The following SERPINA12 variants were observed in gnomAD, a reference collection of about 807,000 sequenced individuals.
SERPINA12 encodes the protein serpin family A member 12.
Under a neutral mutation model 25.9 loss-of-function variants are expected in SERPINA12, and 21 were observed. The observed-to-expected ratio is 0.81, with a 90% confidence interval of 0.58 to 1.17. The LOEUF (loss-of-function observed/expected upper bound fraction) is 1.17. Ranked by LOEUF, SERPINA12 falls within the 50% of genes most tolerant of loss-of-function variation. The probability of loss-of-function intolerance (pLI) is 0.00; values close to 1 mark genes in which losing one functional copy is unlikely to be tolerated. For synonymous variants in SERPINA12, 220 were observed against 196.0 expected, an observed-to-expected ratio of 1.12 and a Z score of -1.02; for missense variants, 562 against 508.3, an observed-to-expected ratio of 1.11 and a Z score of -1.02.
At chr14:94,501,745 C>T (rs1481419901) in intron 1 of SERPINA12, among the ~76,000 whole-genome samples, 1 of 149,268 alleles carries the variant, frequency 6.7e-6, no homozygotes, top group African/African-American at 2.5e-5. Context: ...CTCAGCATGC[C>T]TGTGTCACAG....
At chr14:94,511,070 C>CA (rs1226408080), upstream of SERPINA12, among the ~76,000 whole-genome samples, 1 of 152,100 alleles carries the variant, frequency 6.6e-6, no homozygotes, top group Non-Finnish European at 1.5e-5. Flanking sequence ...CAAAAACCAC[C>CA]TGTACCCCAA....
rs144406102 is a variant in SERPINA12, at chr14:94,515,175, C to T, written c.-18+645G>A. 3.4e-3 allele frequency among the ~76,000 whole-genome samples: 525 copies of T among 152,208 alleles called. 3 individuals are homozygous for T. Among genetic ancestry groups the T allele is most frequent in the African/African-American group, 0.012 (491 of 41,514 alleles). ...ATGCCTGGGGGATCCTGAAACTATG[C>T]GACGTGTTTCTGTGGGAGAGGCTGA... is the stretch of plus-strand genomic sequence containing the variant. On this transcript the variant is annotated intron_variant, in intron 2 of 5. Coordinates refer to the SERPINA12 transcript ENST00000341228.
intron 1 of SERPINA12, among the ~76,000 whole-genome samples, chr14:94,502,621 C>T (rs7159117): frequency 0.4 from 60,145 of 152,126 alleles, 13,019 homozygotes; most frequent in African/African-American, 0.58. Context: ...CCCCCTGCCC[C>T]CAGGCAGGTC....
intron 1 of SERPINA12, chr14:94,503,094 GT>G: frequency 2.9e-6 from 2 of 691,776 alleles, no homozygotes; most frequent in Non-Finnish European, 3.6e-6. Context: ...GGCCTGCTCT[GT>G]GGCTCACCTG....
At chr14:94,498,462 C>A (rs1900569809) in intron 1 of SERPINA12, 32 bp from the exon 2 acceptor site, 4 of 1,522,426 alleles carry the variant, frequency 2.6e-6, no homozygotes, top group South Asian at 2.5e-5. Flanking sequence ...AACATGATAA[C>A]CCCATTGCCT....
chr14:94,491,486 T>C (rs750278882), intron 3 of SERPINA12, among the ~76,000 whole-genome samples: 9 of 152,110 alleles, frequency 5.9e-5, no homozygotes, highest in Admixed American at 2.0e-4. Flanking sequence ...GTTAAGAATA[T>C]ACTCTTGGTG....
chr14:94,513,915 G>A (rs75995606), upstream of SERPINA12, among the ~76,000 whole-genome samples: 3,907 of 152,236 alleles, frequency 0.026, 78 homozygotes, highest in Middle Eastern at 0.058. Context: ...TGGATGAACA[G>A]CCTGGAGGTT....
Position 94,502,819 on chromosome 14 carries a change from C to T in SERPINA12, c.-33-4389G>A, listed in dbSNP as rs557663870. 1.1e-3 allele frequency among the ~76,000 whole-genome samples: 165 copies of T among 152,358 alleles called. 1 individual carries two copies. The highest frequency in any genetic ancestry group is 3.7e-3 in the African/African-American group (154 of 41,578). Reference sequence around the variant, plus strand: ...GGCAACCAGTGTGTTGCCTCCTCATCGGGGAGATGCTTCCTACACTTGGCT... The same window carrying T: ...GGCAACCAGTGTGTTGCCTCCTCATTGGGGAGATGCTTCCTACACTTGGCT... On this transcript the variant is annotated intron_variant, in intron 1 of 4. Transcript: ENST00000677451.
At chr14:94,496,331 CAA>C (rs1487479505) in intron 3 of SERPINA12, 40 bp downstream of exon 3, 2 of 1,608,918 alleles carry the variant, frequency 1.2e-6, no homozygotes, top group Non-Finnish European at 1.7e-6. Flanking sequence ...AGAGGGAAGA[CAA>C]GAGAAGGAAA....
At chr14:94,501,924 A>G (rs1900745210) in intron 1 of SERPINA12, among the ~76,000 whole-genome samples, 1 of 152,028 alleles carries the variant, frequency 6.6e-6, no homozygotes. Context: ...CTAATTTTTT[A>G]ATTCCATCAA....
chr14:94,491,314 A>T (rs973557608), intron 3 of SERPINA12, among the ~76,000 whole-genome samples: 49 of 152,366 alleles, frequency 3.2e-4, no homozygotes, highest in Admixed American at 3.0e-3. Flanking sequence ...ACTTGCAGGA[A>T]TCGAGGATTG....
rs10626991 is a variant in SERPINA12, at chr14:94,502,024, ATGTG to A, written c.-33-3598_-33-3595del. The stretch of plus-strand genomic sequence containing the variant: ...ATTGTTTGTTGGCTTTTAGTTTGGA[ATGTG>A]TGTGTGTGTGTGTGTGTGTGTGTGT... On this transcript the variant is annotated intron_variant, in intron 1 of 4. Coordinates refer to ENST00000677451, the MANE Select transcript of SERPINA12 (RefSeq NM_001382267.1). 5.8e-3 allele frequency among the ~76,000 whole-genome samples: 838 copies of A among 144,650 alleles called. 7 individuals carry two copies. Among genetic ancestry groups the A allele is most frequent in the African/African-American group, 0.02 (773 of 39,620 alleles). The allele number at this position is 144,650 out of a possible 152,430, so 94.9% of individuals were successfully genotyped here.
upstream of SERPINA12, among the ~76,000 whole-genome samples, chr14:94,511,006 T>C (rs2139866008): frequency 6.6e-6 from 1 of 152,144 alleles, no homozygotes; most frequent in East Asian, 1.9e-4. Context: ...ACTGTTCAGG[T>C]GATGGGTGCA....
In SERPINA12 at chr14:94,498,094, A is replaced by G. The variant is rs1173202496; in HGVS notation, c.304T>C (p.Phe102Leu). The G allele has an allele frequency of 5.6e-6, 9 of 1,613,588 alleles. No individual in the cohort carries two copies. Among genetic ancestry groups the G allele is most frequent in the Non-Finnish European group, 7.6e-6 (9 of 1,179,956 alleles). ...TTTTCTGGCATCTTTCTGAAGTTGA[A>G]CCCCTGCTTGATCTCGTCCAGGGTG... ...DSTLDEIKQG[F>L]NFRKMPEKDL... The change falls in exon 2 of 5, where the codon TTC (phenylalanine) becomes CTC (leucine). Residue 102 changes from phenylalanine (F) to leucine (L), a missense_variant. By Grantham distance (22) the Phe-to-Leu change is conservative (BLOSUM62 0). Coordinates refer to ENST00000677451, the MANE Select transcript of SERPINA12 (RefSeq NM_001382267.1).
intron 3 of SERPINA12, among the ~76,000 whole-genome samples, chr14:94,495,883 A>G (rs183121454): frequency 6.6e-6 from 1 of 152,332 alleles, no homozygotes; most frequent in East Asian, 1.9e-4. Context: ...ATATCAGTTT[A>G]TGTTTTAAAA....
chr14:94,506,519 G>T (rs947836627), intron 1 of SERPINA12, among the ~76,000 whole-genome samples: 6 of 152,158 alleles, frequency 3.9e-5, no homozygotes, highest in Non-Finnish European at 7.4e-5. Flanking sequence ...GTGTTCTCTA[G>T]GAGAAAACTG....
At chr14:94,496,739 G>A in intron 2 of SERPINA12, 96 bp from the exon 3 acceptor site, 2 of 1,034,420 alleles carry the variant, frequency 1.9e-6, no homozygotes, top group Non-Finnish European at 2.9e-6. Flanking sequence ...CAGATTCAGG[G>A]TGAAAGGGGA....
chr14:94,494,390 T>G (rs1350739759), intron 3 of SERPINA12, among the ~76,000 whole-genome samples: 1 of 152,234 alleles, frequency 6.6e-6, no homozygotes, highest in Non-Finnish European at 1.5e-5. Flanking sequence ...GGAACATGGC[T>G]TGGAGGCATT....
chr14:94,511,797 G>C, upstream of SERPINA12: 1 of 866,578 alleles, frequency 1.2e-6, no homozygotes, highest in Non-Finnish European at 1.4e-6. Context: ...GTCCTCATAA[G>C]CTCACAGACC....
Sources: gnomAD v4.1 joint callset for allele counts (sites outside exome capture counted in the v4.1 genomes callset) on GRCh38, gnomAD v4.1.1 for gene constraint, MANE v1.5 for transcripts, NCBI Gene and HGNC (gene_info 2026-07-23, HGNC 2026-07-21) for gene names.